KCND3: variants seen among roughly 807,000 people sequenced by gnomAD.
KCND3 encodes the protein potassium voltage-gated channel subfamily D member 3.
KCND3 carries 9 observed loss-of-function variants against 51.1 expected under a neutral mutation model. That is an observed-to-expected ratio of 0.18 (90% confidence interval 0.11 to 0.31). The LOEUF (loss-of-function observed/expected upper bound fraction) is 0.31, where lower values mean the gene tolerates loss of function less well. KCND3 is among the 10% of genes least tolerant of loss of function. KCND3 has a pLI of 1.00. For synonymous variants in KCND3, 349 were observed against 368.0 expected (o/e 0.95, Z 0.59); for missense variants, 526 against 903.8 (o/e 0.58, Z 5.36).
chr1:111,866,163 A>G (rs1668554778), intron 2 of KCND3, among the ~76,000 whole-genome samples: 1 of 151,494 alleles, frequency 6.6e-6, no homozygotes, highest in Non-Finnish European at 1.5e-5. Flanking sequence ...AATTGAATGA[A>G]TACCATTTTA....
intron 2 of KCND3, among the ~76,000 whole-genome samples, chr1:111,870,136 C>T (rs747475454): frequency 2.6e-5 from 4 of 152,156 alleles, no homozygotes; most frequent in Non-Finnish European, 5.9e-5. Flanking sequence ...AATTGTTACT[C>T]CTATTTTAAA....
At position 111,981,897 on chromosome 1, in the gene KCND3, G is replaced by C; in HGVS notation, c.830C>G (p.Thr277Ser). 6.2e-7 allele frequency: 1 copy of C among 1,614,090 alleles called. No individual in the cohort carries two copies. The highest frequency in any genetic ancestry group is 8.5e-7 in the Non-Finnish European group (1 of 1,180,010). ...GGCGCCGGACACGTCCTCGTTGTTG[G>C]TCATGACCAGACCGATGTAGTAGGG... ...IMPYYIGLVM[T>S]NNEDVSGAFV... Residue 277 changes from threonine (T) to serine (S), a missense_variant, in exon 2 of 8, where the codon ACC (threonine) becomes AGC (serine). By Grantham distance (58) the Thr-to-Ser change is moderately conservative. Around this residue, in one of 5 missense-constraint regions of KCND3, gnomAD observed 48 missense variants for 228.5 expected, o/e 0.21. Coordinates refer to ENST00000302127, the MANE Select transcript of KCND3 (RefSeq NM_001378969.1). This position sits in a 1 kb window ranked among gnomAD's most constrained non-coding sequence, Gnocchi z 6.2.
At chr1:111,809,710 C>T (rs183082424) in intron 2 of KCND3, among the ~76,000 whole-genome samples, 85 of 152,236 alleles carry the variant, frequency 5.6e-4, no homozygotes, top group African/African-American at 2.0e-3. Context: ...TGCTTGCATG[C>T]ATGCACCAAC....
chr1:111,982,912 G>T lies in KCND3; in HGVS notation c.-72-114C>A. ...TGAAACGGCCAAAGTCTCCAGGGCA[G>T]ATTAATAAAACTGAAATCCCCACCA... is the stretch of plus-strand genomic sequence containing the variant. On this transcript the variant is annotated intron_variant, in intron 1 of 7. Coordinates refer to ENST00000302127, the MANE Select transcript of KCND3 (RefSeq NM_001378969.1). The surrounding 1 kb of genome is among the most constrained non-coding windows in gnomAD (Gnocchi z 8.5). 1.3e-6 allele frequency: 1 copy of T among 782,114 alleles called. No homozygotes were observed. Among genetic ancestry groups the T allele is most frequent in the Admixed American group, 2.4e-5 (1 of 41,306 alleles). 48.4% of individuals were successfully genotyped at this position (782,114 alleles called of 1,614,324 possible).
At chr1:111,846,418 T>TCTGCTGCTGCTGCTGCTGCTGCTGCTG (rs55653915) in intron 2 of KCND3, among the ~76,000 whole-genome samples, 81 of 150,826 alleles carry the variant, frequency 5.4e-4, no homozygotes, top group African/African-American at 1.9e-3. Context: ...CATGACACTC[T>TCTGCTGCTGCTGCTGCTGCTGCTGCTG]CTGCTGCTGC....
chr1:111,784,986 G>C (rs1478529598), intron 3 of KCND3, among the ~76,000 whole-genome samples: 1 of 152,094 alleles, frequency 6.6e-6, no homozygotes, highest in African/African-American at 2.4e-5. Flanking sequence ...AAGCTGAGGT[G>C]GGAGGATTCC....
At chr1:111,829,859 GCCT>G (rs1666754333) in intron 2 of KCND3, among the ~76,000 whole-genome samples, 5 of 152,208 alleles carry the variant, frequency 3.3e-5, no homozygotes, top group Non-Finnish European at 7.3e-5. Context: ...AGACCCGACT[GCCT>G]GAGGTGGAAG....
intron 2 of KCND3, among the ~76,000 whole-genome samples, chr1:111,806,448 C>T (rs992989784): frequency 2.6e-5 from 4 of 152,158 alleles, no homozygotes; most frequent in African/African-American, 9.7e-5. Context: ...TCAGAAAAAT[C>T]GTGGTCCTCA....
intron 2 of KCND3, among the ~76,000 whole-genome samples, chr1:111,860,325 A>G (rs956814495): frequency 7.2e-5 from 11 of 152,148 alleles, no homozygotes; most frequent in African/African-American, 2.4e-4. Flanking sequence ...CAACTAATAA[A>G]CGCAGAAGCT....
At chr1:111,782,062 C>T (rs903435645) in intron 3 of KCND3, among the ~76,000 whole-genome samples, 2 of 152,182 alleles carry the variant, frequency 1.3e-5, no homozygotes, top group African/African-American at 2.4e-5. Flanking sequence ...GGTCCCTCCT[C>T]CTGGCTCTGA....
chr1:111,788,527 C>A (rs1664702687), intron 2 of KCND3, among the ~76,000 whole-genome samples: 1 of 152,192 alleles, frequency 6.6e-6, no homozygotes, highest in Non-Finnish European at 1.5e-5. Flanking sequence ...CTCACTTAAG[C>A]CTCTCAATTC....
rs571228464 is a variant in KCND3 at position 111,811,479 on chromosome 1, T to C, written c.1107-24373A>G. Among the ~76,000 whole-genome samples the C allele has an allele frequency of 2.0e-5, 3 of 152,324 alleles. No homozygotes were observed. In the South Asian group the frequency reaches 6.2e-4, roughly 32 times the overall value. Reference sequence around the variant, plus strand: ...ATACGCAGAAAAGCTGTGAGGGGTCTGTCCCTCCCTTACCTGGGTGTGGGC... The same window carrying C: ...ATACGCAGAAAAGCTGTGAGGGGTCCGTCCCTCCCTTACCTGGGTGTGGGC... On this transcript the variant is annotated intron_variant, in intron 2 of 7. Transcript: ENST00000302127.
At position 111,822,580 on chromosome 1, in the gene KCND3, T is replaced by C. The variant is rs114046889; in HGVS notation, c.1107-35474A>G. Among the ~76,000 whole-genome samples, 481 of 152,350 alleles carry C rather than the reference T, an allele frequency of 3.2e-3. 7 individuals carry two copies. Among genetic ancestry groups the C allele is most frequent in the African/African-American group, 0.011 (460 of 41,578 alleles). ...GCTGAATAATATTCCACTGTAAGGA[T>C]AGACCACAGTTTGCTTGTCCATTAA... On this transcript the variant is annotated intron_variant, in intron 2 of 7. Transcript: ENST00000302127.
intron 2 of KCND3, among the ~76,000 whole-genome samples, chr1:111,802,718 A>G (rs1452534796): frequency 6.6e-6 from 1 of 152,126 alleles, no homozygotes; most frequent in Non-Finnish European, 1.5e-5. Flanking sequence ...AGCAGGACTA[A>G]ATGGGTCCCC....
At chr1:111,886,248 GT>G (rs1358089832) in intron 2 of KCND3, among the ~76,000 whole-genome samples, 1 of 152,204 alleles carries the variant, frequency 6.6e-6, no homozygotes, top group African/African-American at 2.4e-5. Context: ...AGCCTGGACT[GT>G]TTATGGTATC....
At chr1:111,975,138 G>C (rs1488004323) in intron 2 of KCND3, among the ~76,000 whole-genome samples, 1 of 152,180 alleles carries the variant, frequency 6.6e-6, no homozygotes, top group Non-Finnish European at 1.5e-5. Flanking sequence ...CAGGTGCTCA[G>C]TAAATGTTGC....
At chr1:111,987,965 C>T (rs1373196239) in intron 1 of KCND3, among the ~76,000 whole-genome samples, 1 of 152,136 alleles carries the variant, frequency 6.6e-6, no homozygotes, top group Non-Finnish European at 1.5e-5. Flanking sequence ...TCAGTTACTC[C>T]ATTAAACAGC....
At chr1:111,912,165 G>A (rs922992033) in intron 2 of KCND3, among the ~76,000 whole-genome samples, 3 of 152,262 alleles carry the variant, frequency 2.0e-5, no homozygotes, top group African/African-American at 7.2e-5. Flanking sequence ...ATGTTCCCAG[G>A]TGAGAATGAA....
chr1:111,775,818 G>GCCCCCCCCCCCC lies in KCND3; in HGVS notation c.*258_*259insGGGGGGGGGGGG. ...AGCCTATATCCCCCGGCCTATCCCC[G>GCCCCCCCCCCCC]ACCCCCCCACCCTCCCTCCCTTCCT... On this transcript the variant is annotated 3_prime_UTR_variant, in exon 8 of 8. Transcript: ENST00000302127. 2 of 99,730 alleles carry GCCCCCCCCCCCC rather than the reference G, an allele frequency of 2.0e-5. No homozygotes were observed. The highest frequency in any genetic ancestry group is 3.9e-5 in the Non-Finnish European group (2 of 51,434). 6.2% of individuals were successfully genotyped at this position (99,730 alleles called of 1,614,324 possible).
Sources: allele counts gnomAD v4.1 joint callset (sites outside exome capture counted in the v4.1 genomes callset), GRCh38; gene constraint gnomAD v4.1.1; regional missense constraint gnomAD v4.1.1; non-coding constraint Gnocchi (gnomAD v3.1); transcripts MANE v1.5; gene names NCBI Gene and HGNC (gene_info 2026-07-23, HGNC 2026-07-21).